CDC42SE2: variants seen among roughly 807,000 people sequenced by gnomAD.
The protein encoded by CDC42SE2 is CDC42 small effector 2.
In CDC42SE2, 3 loss-of-function variants were observed where a neutral mutation model predicts 11.5. The observed-to-expected ratio is 0.26, with a 90% CI of 0.12 to 0.67. CDC42SE2 has a LOEUF of 0.67. Ranked by LOEUF, CDC42SE2 falls within the 30% of genes least tolerant of loss-of-function variation. The pLI is 0.80. For missense variants in CDC42SE2, 82 were observed against 106.8 expected, an observed-to-expected ratio of 0.77 and a Z score of 1.02; for synonymous variants, 33 against 34.8, an observed-to-expected ratio of 0.95 and a Z score of 0.18.
chr5:131,341,605 GA>G lies in CDC42SE2; in HGVS notation c.-285-17603del, dbSNP rs541334077. ...GAACATACCAACTTAGAGCAGTTAGGATTGAAGCAAGAGGCTAGGAAGAAAC... is the reference window on the plus strand; with the variant it reads ...GAACATACCAACTTAGAGCAGTTAGGTTGAAGCAAGAGGCTAGGAAGAAAC... On this transcript the variant is annotated intron_variant, in intron 2 of 4. Coordinates refer to ENST00000505065, the MANE Select transcript of CDC42SE2 (RefSeq NM_001375635.1). Among the ~76,000 whole-genome samples the G allele has an allele frequency of 4.1e-3, 630 of 152,260 alleles. 4 individuals are homozygous for G. The highest frequency in any genetic ancestry group is 0.013 in the African/African-American group (546 of 41,542).
upstream of CDC42SE2, among the ~76,000 whole-genome samples, chr5:131,244,444 C>G (rs1011769113): frequency 7.2e-5 from 11 of 152,206 alleles, no homozygotes; most frequent in Admixed American, 3.3e-4. Context: ...GGCACAGTGG[C>G]TCACACCTGT....
At chr5:131,268,693 C>T (rs1756925362) in intron 1 of CDC42SE2, among the ~76,000 whole-genome samples, 1 of 149,746 alleles carries the variant, frequency 6.7e-6, no homozygotes, top group Non-Finnish European at 1.5e-5. Context: ...TTCAGGTGAT[C>T]TGCCTGCCTT....
intron 2 of CDC42SE2, among the ~76,000 whole-genome samples, chr5:131,342,388 C>CTTTTTTTTTTTTTTTTTTTTTTTT (rs35818778): frequency 2.7e-5 from 3 of 111,308 alleles, no homozygotes; most frequent in African/African-American, 1.3e-4. Context: ...TTTTAATAGT[C>CTTTTTTTTTTTTTTTTTTTTTTTT]TTTTTTTTTT....
intron 2 of CDC42SE2, among the ~76,000 whole-genome samples, chr5:131,348,910 A>G (rs1431047184): frequency 6.6e-6 from 1 of 152,226 alleles, no homozygotes; most frequent in Non-Finnish European, 1.5e-5. Context: ...TGTTTAATAA[A>G]TGGTGCTGGG....
intron 1 of CDC42SE2, among the ~76,000 whole-genome samples, chr5:131,299,573 TAAG>T (rs1757638928): frequency 6.6e-6 from 1 of 152,194 alleles, no homozygotes; most frequent in Admixed American, 6.5e-5. Context: ...AGAGTTGAGT[TAAG>T]AAGCAGGGTT....
At chr5:131,310,023 TTTTAA>T (rs1757868008) in intron 1 of CDC42SE2, among the ~76,000 whole-genome samples, 1 of 152,138 alleles carries the variant, frequency 6.6e-6, no homozygotes, top group African/African-American at 2.4e-5. Flanking sequence ...TGTCTAGTTC[TTTTAA>T]TTGTGATGTT....
chr5:131,346,347 G>A (rs754516870), intron 2 of CDC42SE2, among the ~76,000 whole-genome samples: 125 of 152,242 alleles, frequency 8.2e-4, no homozygotes, highest in African/African-American at 2.8e-3. Context: ...AGGAGGGGTT[G>A]CAATCCTAGT....
chr5:131,232,452 C>T, the CDC42SE2 span, among the ~76,000 whole-genome samples: 1 of 151,846 alleles, frequency 6.6e-6, no homozygotes, highest in Non-Finnish European at 1.5e-5. Flanking sequence ...AAAATGTTAT[C>T]CTGGGCACAG....
chr5:131,295,923 G>C (rs1246965523), intron 1 of CDC42SE2, among the ~76,000 whole-genome samples: 1 of 151,880 alleles, frequency 6.6e-6, no homozygotes, highest in Non-Finnish European at 1.5e-5. Context: ...CTGACCTCAT[G>C]ATCTGCCTGC....
At chr5:131,275,013 G>T (rs1265329658) in intron 1 of CDC42SE2, among the ~76,000 whole-genome samples, 3 of 152,230 alleles carry the variant, frequency 2.0e-5, no homozygotes, top group Non-Finnish European at 4.4e-5. Flanking sequence ...GAATTAAGTA[G>T]AAACAAATTT....
intron 2 of CDC42SE2, among the ~76,000 whole-genome samples, chr5:131,353,938 A>T (rs1048964457): frequency 6.6e-6 from 1 of 151,716 alleles, no homozygotes; most frequent in Non-Finnish European, 1.5e-5. Context: ...TCGTTTAAAA[A>T]TACATACAAA....
chr5:131,386,429 C>CT (rs1184152668), intron 4 of CDC42SE2, among the ~76,000 whole-genome samples: 2 of 152,220 alleles, frequency 1.3e-5, no homozygotes, highest in Non-Finnish European at 2.9e-5. Flanking sequence ...TTTATTTACT[C>CT]TAAGTTCTCA....
intron 1 of CDC42SE2, among the ~76,000 whole-genome samples, chr5:131,287,373 C>G (rs184441621): frequency 1.3e-5 from 2 of 152,164 alleles, no homozygotes; most frequent in Non-Finnish European, 2.9e-5. Context: ...TTTTTCTTTT[C>G]TTTTAATCTG....
intron 3 of CDC42SE2, among the ~76,000 whole-genome samples, chr5:131,362,182 C>A (rs1475696074): frequency 6.6e-6 from 1 of 152,146 alleles, no homozygotes; most frequent in South Asian, 2.1e-4. Context: ...CCACACTCTT[C>A]CCTTCCCAGC....
At chr5:131,288,099 A>G (rs1757379017) in intron 1 of CDC42SE2, among the ~76,000 whole-genome samples, 1 of 151,982 alleles carries the variant, frequency 6.6e-6, no homozygotes, top group Non-Finnish European at 1.5e-5. Context: ...TAAATAAATA[A>G]ATTAGCTTGG....
intron 1 of CDC42SE2, among the ~76,000 whole-genome samples, chr5:131,268,379 T>C (rs1756916724): frequency 6.6e-6 from 1 of 151,840 alleles, no homozygotes; most frequent in Non-Finnish European, 1.5e-5. Context: ...ATTCTTAATA[T>C]TTACTTGCTA....
chr5:131,287,231 G>A (rs1411569465), intron 1 of CDC42SE2, among the ~76,000 whole-genome samples: 1 of 152,116 alleles, frequency 6.6e-6, no homozygotes, highest in Non-Finnish European at 1.5e-5. Context: ...CTGACCTCAG[G>A]TAATCCACCC....
At chr5:131,277,667 T>G (rs1580726841) in intron 1 of CDC42SE2, among the ~76,000 whole-genome samples, 1 of 152,242 alleles carries the variant, frequency 6.6e-6, no homozygotes, top group African/African-American at 2.4e-5. Context: ...TTAGAGCTTT[T>G]ACACTGGTTG....
intron 2 of CDC42SE2, among the ~76,000 whole-genome samples, chr5:131,352,557 C>G (rs577918654): frequency 6.6e-6 from 1 of 152,226 alleles, no homozygotes; most frequent in East Asian, 1.9e-4. Context: ...ATGTGCATCC[C>G]TACCTCAGTC....
Sources: gnomAD v4.1 joint callset for allele counts (sites outside exome capture counted in the v4.1 genomes callset) on GRCh38, gnomAD v4.1.1 for gene constraint, MANE v1.5 for transcripts, NCBI Gene and HGNC (gene_info 2026-07-23, HGNC 2026-07-21) for gene names.